Variants in SPEN observed in about 807,000 individuals in gnomAD.
SPEN encodes the protein msx2-interacting protein.
SPEN carries 18 observed loss-of-function variants against 269.9 expected under a neutral mutation model. That is an observed-to-expected ratio of 0.07 (90% CI 0.05 to 0.10). SPEN has a LOEUF of 0.10. SPEN is among the 10% of genes least tolerant of loss of function. The pLI is 1.00. For missense variants in SPEN, 3,822 were observed against 4,631.2 expected (o/e 0.83, Z 5.07); for synonymous variants, 1,726 against 1,765.7 (o/e 0.98, Z 0.56).
intron 1 of SPEN, among the ~76,000 whole-genome samples, chr1:15,857,720 G>A (rs1361989062): frequency 6.6e-6 from 1 of 151,758 alleles, no homozygotes; most frequent in Non-Finnish European, 1.5e-5. Flanking sequence ...GAGTGTAATG[G>A]CATAATTATG....
intron 11 of SPEN, among the ~76,000 whole-genome samples, chr1:15,936,642 C>A (rs1252077735): frequency 8.6e-4 from 107 of 123,734 alleles, no homozygotes; most frequent in South Asian, 1.1e-3. Context: ...GACCCAGTCT[C>A]AAAAAAAAAA....
At chr1:15,924,269 A>T (rs2071146600) in intron 10 of SPEN, among the ~76,000 whole-genome samples, 1 of 152,188 alleles carries the variant, frequency 6.6e-6, no homozygotes, top group East Asian at 1.9e-4. Flanking sequence ...CATTGTTAAT[A>T]CAGTAAATGC....
chr1:15,939,941 G>A lies in SPEN; in HGVS notation c.*514G>A, dbSNP rs1337141046. On this transcript the variant is annotated 3_prime_UTR_variant, in exon 15 of 15. Coordinates refer to ENST00000375759, the MANE Select transcript of SPEN (RefSeq NM_015001.3). This position sits in a 1 kb window ranked among gnomAD's most constrained non-coding sequence, Gnocchi z 4.1. The stretch of plus-strand genomic sequence containing the variant: ...AAGGAACATTTCATTGGTTTTTTTT[G>A]TCCACCCCCATCTCCCTTGCTCATT... 4.3e-6 allele frequency: 1 copy of A among 232,272 alleles called. No individual in the cohort carries two copies. The highest frequency in any genetic ancestry group is 8.5e-6 in the Non-Finnish European group (1 of 117,576). The allele number at this position is 232,272 out of a possible 1,614,324, so 14.4% of individuals were successfully genotyped here. A position where few individuals can be genotyped will look rare whatever the true frequency, so the allele number is the denominator to read the frequency against.
chr1:15,936,007 TTCCTGCCCCTGC>T lies in SPEN; in HGVS notation c.9778_9789del (p.Ala3260_Pro3263del), dbSNP rs757023479. 8.6e-6 allele frequency: 9 copies of T among 1,040,906 alleles called. No individual in the cohort carries two copies. In the African/African-American group the frequency reaches 1.2e-4, roughly 14 times the overall value. The allele number at this position is 1,040,906 out of a possible 1,614,324, so 64.5% of individuals were successfully genotyped here. The stretch of plus-strand genomic sequence containing the variant: ...GCCCCCGTCCCTGTCCCTGTCCCCC[TTCCTGCCCCTGC>T]TCCTGCCCCTCATGGTGAGGCCCGT... On this transcript the variant is annotated inframe_deletion, in exon 11 of 15. Transcript: ENST00000375759.
chr1:15,912,145 C>G (rs889247983), intron 5 of SPEN, among the ~76,000 whole-genome samples: 2 of 152,092 alleles, frequency 1.3e-5, no homozygotes, highest in African/African-American at 2.4e-5. Flanking sequence ...TTCCAGGGAA[C>G]ATTTATTATC....
intron 1 of SPEN, among the ~76,000 whole-genome samples, chr1:15,858,330 C>T (rs540409068): frequency 6.6e-6 from 1 of 152,150 alleles, no homozygotes; most frequent in Admixed American, 6.6e-5. Flanking sequence ...CATTTTGTCA[C>T]ATTTGCTCCA....
At chr1:15,887,253 G>C (rs548309074) in intron 3 of SPEN, among the ~76,000 whole-genome samples, 1 of 148,970 alleles carries the variant, frequency 6.7e-6, no homozygotes, top group South Asian at 2.1e-4. Context: ...TGGGATTACA[G>C]GTGTGAGCTG....
chr1:15,909,590 A>G (rs1246999143), intron 4 of SPEN, 109 bp downstream of exon 4: 2 of 1,133,214 alleles, frequency 1.8e-6, no homozygotes, highest in Non-Finnish European at 2.5e-6. Context: ...TGGAAAACCC[A>G]TTTCGAAATA....
In SPEN at chr1:15,939,475, T is replaced by G. The variant is rs745663109; in HGVS notation, c.*48T>G. The G allele has an allele frequency of 4.7e-6, 7 of 1,488,458 alleles. No individual in the cohort carries two copies. Among genetic ancestry groups the G allele is most frequent in the Non-Finnish European group, 4.5e-6 (5 of 1,113,584 alleles). 92.2% of individuals were successfully genotyped at this position (1,488,458 alleles called of 1,614,324 possible). ...AGTGAATCTTCCCAGGGCTCTGCAGTAAAAACAAAGGACAACCCAGCCAAG... is the reference window on the plus strand; with the variant it reads ...AGTGAATCTTCCCAGGGCTCTGCAGGAAAAACAAAGGACAACCCAGCCAAG... On this transcript the variant is annotated 3_prime_UTR_variant, in exon 15 of 15. Coordinates refer to ENST00000375759, the MANE Select transcript of SPEN (RefSeq NM_015001.3). This position sits in a 1 kb window ranked among gnomAD's most constrained non-coding sequence, Gnocchi z 4.1.
chr1:15,924,685 C>A (rs2071150474), intron 10 of SPEN, among the ~76,000 whole-genome samples: 1 of 152,160 alleles, frequency 6.6e-6, no homozygotes, highest in Non-Finnish European at 1.5e-5. Context: ...GTCTCAAATT[C>A]CTGACCTCAG....
intron 3 of SPEN, among the ~76,000 whole-genome samples, chr1:15,896,131 G>A (rs1486501162): frequency 6.7e-6 from 1 of 148,268 alleles, no homozygotes; most frequent in Non-Finnish European, 1.5e-5. Flanking sequence ...TATTGGACTT[G>A]AGAATAGATG....
chr1:15,849,351 C>T (rs1265590707), intron 1 of SPEN, among the ~76,000 whole-genome samples: 1 of 152,232 alleles, frequency 6.6e-6, no homozygotes, highest in Non-Finnish European at 1.5e-5. Flanking sequence ...TCGCTTTGAG[C>T]CGCTTGGATA....
intron 3 of SPEN, among the ~76,000 whole-genome samples, chr1:15,887,750 G>C (rs1022316578): frequency 1.3e-5 from 2 of 151,088 alleles, no homozygotes; most frequent in African/African-American, 4.9e-5. Context: ...CTTCAGGTAC[G>C]GTGGCTCACA....
intron 1 of SPEN, among the ~76,000 whole-genome samples, chr1:15,870,214 T>C (rs1415854852): frequency 6.6e-6 from 1 of 152,058 alleles, no homozygotes; most frequent in East Asian, 1.9e-4. Flanking sequence ...GATGATGGGA[T>C]GGAAAGGTGG....
At position 15,932,148 on chromosome 1, in the gene SPEN, G is replaced by A. The variant is rs528236714; in HGVS notation, c.5908G>A (p.Glu1970Lys). The A allele has an allele frequency of 3.1e-6, 5 of 1,613,002 alleles. No individual in the cohort carries two copies. The highest frequency in any genetic ancestry group is 1.6e-4 in the Middle Eastern group (1 of 6,078). The change falls in exon 11 of 15, where the codon GAA (glutamate) becomes AAA (lysine). Residue 1970 changes from glutamate (E) to lysine (K), a missense_variant. Glu to Lys is a moderately conservative substitution (Grantham distance 56). Around this residue, in one of 16 missense-constraint regions of SPEN, gnomAD observed 533 missense variants for 618.8 expected, o/e 0.86. Transcript: ENST00000375759. The surrounding 1 kb of genome is among the most constrained non-coding windows in gnomAD (Gnocchi z 4.2). ...ADEEEENEAKEPAETLKPPEG... is the reference protein window; with the variant it reads ...ADEEEENEAKKPAETLKPPEG... ...TGAAGAGGAGGAGAACGAGGCCAAG[G>A]AACCTGCAGAAACACTCAAGCCACC... is the stretch of plus-strand genomic sequence containing the variant.
chr1:15,872,735 C>T, intron 1 of SPEN, 81 bp from the exon 2 acceptor site: 1 of 1,210,418 alleles, frequency 8.3e-7, no homozygotes, highest in Admixed American at 2.6e-5. Flanking sequence ...ATACATAACG[C>T]AAATTGTCCA....
At position 15,936,029 on chromosome 1, in the gene SPEN, T is replaced by C; in HGVS notation, c.9789T>C (p.Pro3263=). The part of the protein sequence containing the change: ...PVPLPAPAPA[P]HGEARILTVT... ...CCCTTCCTGCCCCTGCTCCTGCCCC[T>C]CATGGTGAGGCCCGTATCCTCACAG... The change falls in exon 11 of 15, where the codon CCT becomes CCC. Residue 3263 remains proline, a synonymous_variant. Transcript: ENST00000375759. 7.6e-7 allele frequency: 1 copy of C among 1,310,602 alleles called. No homozygotes were observed. The highest frequency in any genetic ancestry group is 1.0e-6 in the Non-Finnish European group (1 of 1,003,110). 81.2% of individuals were successfully genotyped at this position (1,310,602 alleles called of 1,614,324 possible).
At chr1:15,858,096 C>G (rs1157931179) in intron 1 of SPEN, among the ~76,000 whole-genome samples, 1 of 152,076 alleles carries the variant, frequency 6.6e-6, no homozygotes, top group Non-Finnish European at 1.5e-5. Context: ...CCACTGTACT[C>G]CAGCCTGGTG....
intron 7 of SPEN, 23 bp from the exon 8 acceptor site, chr1:15,919,381 G>T (rs372376313): frequency 1.5e-5 from 22 of 1,497,742 alleles, no homozygotes; most frequent in Middle Eastern, 1.7e-4. Context: ...TTTACTAATA[G>T]AAATTTTGCC....
Sources: gnomAD v4.1 joint callset for allele counts (sites outside exome capture counted in the v4.1 genomes callset) on GRCh38, gnomAD v4.1.1 for gene constraint, gnomAD v4.1.1 regional missense constraint, Gnocchi (gnomAD v3.1) non-coding constraint, MANE v1.5 for transcripts, NCBI Gene and HGNC (gene_info 2026-07-23, HGNC 2026-07-21) for gene names.